Variants in MYO9A observed in about 807,000 individuals in gnomAD.
The protein encoded by MYO9A is myosin IXA, also known as unconventional myosin-IXa.
A neutral mutation model predicts 293.3 loss-of-function variants in MYO9A; 103 were observed. The ratio of observed to expected loss-of-function variants is 0.35; its 90% confidence interval spans 0.30 to 0.41. The LOEUF is 0.41. Ranked by LOEUF, MYO9A falls within the 10% of genes least tolerant of loss-of-function variation. MYO9A has a pLI of 1.00. For missense variants in MYO9A, 2,685 were observed against 3,033.0 expected, an observed-to-expected ratio of 0.89 and a Z score of 2.69; for synonymous variants, 1,001 against 1,035.7, an observed-to-expected ratio of 0.97 and a Z score of 0.64.
intron 1 of MYO9A, among the ~76,000 whole-genome samples, chr15:72,110,435 CAAAAAAA>C (rs397854173): frequency 1.6e-4 from 7 of 45,106 alleles, no homozygotes; most frequent in African/African-American, 3.1e-4. Context: ...GACTCCATCT[CAAAAAAA>C]AAAAAAAAAA....
chr15:71,883,865 T>C, intron 27 of MYO9A, 129 bp from the exon 28 acceptor site: 1 of 821,860 alleles, frequency 1.2e-6, no homozygotes, highest in Non-Finnish European at 1.7e-6. Context: ...TTAAATTAAG[T>C]GTATTTATCT....
In MYO9A at chr15:71,897,638, T is replaced by A. The variant is rs1160460504; in HGVS notation, c.4865A>T (p.Lys1622Met). 4 of 1,614,172 alleles carry A rather than the reference T, an allele frequency of 2.5e-6. No individual in the cohort carries two copies. The highest frequency in any genetic ancestry group is 3.4e-6 in the Non-Finnish European group (4 of 1,180,012). Residue 1622 changes from lysine to methionine, a missense_variant, in exon 25 of 42, where the codon AAG (lysine) becomes ATG (methionine). Transcript: ENST00000356056. ...CQSSTVKELS[K>M]TDRMGTQLNV... ...CAGCTGGGTGCCCATTCTGTCTGTC[T>A]TGGATAATTCCTTGACAGTACTAGA...
intron 14 of MYO9A, among the ~76,000 whole-genome samples, chr15:71,956,330 A>AAATATATATATATAT (rs10642655): frequency 4.0e-5 from 3 of 75,578 alleles, no homozygotes; most frequent in African/African-American, 1.8e-4. Flanking sequence ...AAAAAAAAAA[A>AAATATATATATATAT]ATATATATAT....
rs56277057 is a variant in MYO9A at position 71,910,168 on chromosome 15, G to GTGTATATATATATATA, written c.2686-5163_2686-5162insTATATATATATATACA. The stretch of plus-strand genomic sequence containing the variant: ...CGTGTGTGTGTATATATATATACGT[G>GTGTATATATATATATA]TATATATATATATAAAATCAGAAAC... On this transcript the variant is annotated intron_variant, in intron 19 of 41. Transcript: ENST00000356056. Among the ~76,000 whole-genome samples the GTGTATATATATATATA allele has an allele frequency of 2.1e-3, 264 of 128,280 alleles. 2 individuals carry two copies. Among genetic ancestry groups the GTGTATATATATATATA allele is most frequent in the Middle Eastern group, 0.012 (3 of 246 alleles). The allele number at this position is 128,280 out of a possible 152,430, so 84.2% of individuals were successfully genotyped here. A position where few individuals can be genotyped will look rare whatever the true frequency, so the allele number is the denominator to read the frequency against.
intron 1 of MYO9A, among the ~76,000 whole-genome samples, chr15:72,063,391 G>A (rs1281143826): frequency 2.0e-5 from 3 of 152,140 alleles, no homozygotes; most frequent in Admixed American, 1.3e-4. Flanking sequence ...AGCAAAAATG[G>A]ACAAATAGGA....
intron 12 of MYO9A, among the ~76,000 whole-genome samples, chr15:71,969,935 C>T (rs1290321266): frequency 6.6e-6 from 1 of 152,138 alleles, no homozygotes; most frequent in Admixed American, 6.5e-5. Flanking sequence ...GATTTGAAAA[C>T]TACCAATGCC....
At chr15:71,923,161 G>T (rs1170331406) in intron 18 of MYO9A, among the ~76,000 whole-genome samples, 1 of 152,060 alleles carries the variant, frequency 6.6e-6, no homozygotes, top group Non-Finnish European at 1.5e-5. Context: ...CCTTAATTCT[G>T]TTAATGTATC....
At chr15:71,867,570 G>GT (rs1409536315) in intron 32 of MYO9A, among the ~76,000 whole-genome samples, 1 of 147,394 alleles carries the variant, frequency 6.8e-6, no homozygotes, top group Non-Finnish European at 1.5e-5. Flanking sequence ...AGAAAAATGA[G>GT]TAACGAACAA....
At chr15:71,964,253 G>A (rs2075815159) in intron 13 of MYO9A, among the ~76,000 whole-genome samples, 1 of 152,048 alleles carries the variant, frequency 6.6e-6, no homozygotes, top group African/African-American at 2.4e-5. Context: ...TTCAATGTCT[G>A]CTTTATATTG....
intron 1 of MYO9A, among the ~76,000 whole-genome samples, chr15:72,099,408 G>A (rs997792923): frequency 1.9e-4 from 19 of 97,514 alleles, no homozygotes; most frequent in Middle Eastern, 0.013. Flanking sequence ...GGGCAATAGA[G>A]CAAGACCCTG....
Position 72,020,996 on chromosome 15 carries a change from G to GT in MYO9A, c.1019dup (p.Tyr340Ter). 6.4e-7 allele frequency: 1 copy of GT among 1,555,658 alleles called. No homozygotes were observed. Among genetic ancestry groups the GT allele is most frequent in the Non-Finnish European group, 8.6e-7 (1 of 1,158,852 alleles). Residue 340 changes from tyrosine (Y) to a stop codon, truncating the protein, a stop_gained and frameshift_variant, in exon 5 of 42, where the codon TAC becomes TAAC. Transcript: ENST00000356056. LOFTEE classifies it high-confidence loss of function. ...HNERNYHVFYYLLAGASEDER... is the reference protein window; with the variant it reads ...HNERNYHVFY ...CATCTTCACTTGCTCCTGCCAGGAG[G>GT]TAATAGAATACATGATAGTTCCTGT...
intron 1 of MYO9A, among the ~76,000 whole-genome samples, chr15:72,081,883 T>C (rs911388588): frequency 6.6e-6 from 1 of 152,162 alleles, no homozygotes; most frequent in East Asian, 1.9e-4. Context: ...CTCCATTCCA[T>C]TGGTCTATAT....
At chr15:71,910,168 G>GTGTGTATATATATATATATATATATA in intron 19 of MYO9A, among the ~76,000 whole-genome samples, 1 of 128,316 alleles carries the variant, frequency 7.8e-6, no homozygotes, top group East Asian at 2.3e-4. Flanking sequence ...ATATATACGT[G>GTGTGTATATATATATATATATATATA]TATATATATA....
At chr15:72,020,182 A>C (rs554379275) in intron 5 of MYO9A, among the ~76,000 whole-genome samples, 7 of 152,324 alleles carry the variant, frequency 4.6e-5, no homozygotes, top group African/African-American at 1.4e-4. Context: ...TAGACATTAC[A>C]TCTTGCCTCC....
intron 18 of MYO9A, among the ~76,000 whole-genome samples, chr15:71,928,171 G>A (rs1281121758): frequency 1.2e-4 from 15 of 129,854 alleles, no homozygotes; most frequent in South Asian, 2.7e-4. Flanking sequence ...TCCGCTTCCC[G>A]GGTTCACGCC....
chr15:71,982,130 C>CT (rs967590059), intron 11 of MYO9A, among the ~76,000 whole-genome samples: 6 of 148,898 alleles, frequency 4.0e-5, no homozygotes, highest in Admixed American at 6.7e-5. Flanking sequence ...CACCATTCTC[C>CT]TGCCTCACCC....
intron 1 of MYO9A, among the ~76,000 whole-genome samples, chr15:72,091,174 G>T (rs1002369341): frequency 6.7e-6 from 1 of 149,534 alleles, no homozygotes; most frequent in African/African-American, 2.5e-5. Context: ...ACCACAGCCT[G>T]CATAACAGAG....
chr15:71,933,188 T>C (rs1363077855), intron 18 of MYO9A, among the ~76,000 whole-genome samples: 1 of 152,140 alleles, frequency 6.6e-6, no homozygotes, highest in Admixed American at 6.6e-5. Context: ...GAATGCAAAT[T>C]ATAGCTGCAT....
chr15:72,111,346 G>A (rs1242564568), intron 1 of MYO9A, among the ~76,000 whole-genome samples: 41 of 150,728 alleles, frequency 2.7e-4, no homozygotes, highest in African/African-American at 8.8e-4. Context: ...AAAATTAGCC[G>A]GGCATGGTGG....
Sources: allele counts gnomAD v4.1 joint callset (sites outside exome capture counted in the v4.1 genomes callset), GRCh38; gene constraint gnomAD v4.1.1; transcripts MANE v1.5; gene names NCBI Gene and HGNC (gene_info 2026-07-23, HGNC 2026-07-21).